The following ZFHX3 variants were observed in gnomAD, a reference collection of about 807,000 sequenced individuals.
The protein encoded by ZFHX3 is zinc finger homeobox 3, also known as zinc finger homeobox protein 3.
In ZFHX3, 42 loss-of-function variants were observed where a neutral mutation model predicts 279.1. The ratio of observed to expected loss-of-function variants is 0.15; its 90% CI spans 0.12 to 0.19. ZFHX3 has a LOEUF of 0.19. Ranked by LOEUF, ZFHX3 falls within the 10% of genes least tolerant of loss-of-function variation. ZFHX3 has a pLI of 1.00. For missense variants in ZFHX3, 4,981 were observed against 4,754.0 expected (o/e 1.05, Z -1.40); for synonymous variants, 2,293 against 1,957.8 (o/e 1.17, Z -4.52).
At chr16:72,848,319 C>T (rs1396406829) in intron 4 of ZFHX3, among the ~76,000 whole-genome samples, 1 of 152,106 alleles carries the variant, frequency 6.6e-6, no homozygotes, top group Non-Finnish European at 1.5e-5. Context: ...AGCCTATTCA[C>T]GAGCCCTATT....
intron 4 of ZFHX3, among the ~76,000 whole-genome samples, chr16:73,264,811 C>T (rs142296267): frequency 1.4e-4 from 21 of 152,174 alleles, no homozygotes; most frequent in African/African-American, 3.9e-4. Context: ...TTAGCTCTCA[C>T]TTATGAATGA....
chr16:73,748,707 C>T (rs556985484), intron 1 of ZFHX3, among the ~76,000 whole-genome samples: 1 of 152,110 alleles, frequency 6.6e-6, no homozygotes, highest in Non-Finnish European at 1.5e-5. Flanking sequence ...ATTGAAGAGC[C>T]CTTGGTCTTA....
chr16:73,593,661 C>T (rs2143847454), intron 2 of ZFHX3, among the ~76,000 whole-genome samples: 1 of 152,014 alleles, frequency 6.6e-6, no homozygotes, highest in Admixed American at 6.6e-5. Flanking sequence ...ATATGCAAAT[C>T]CTATGACATA....
At chr16:73,340,876 G>C (rs1467343600) in intron 3 of ZFHX3, among the ~76,000 whole-genome samples, 4 of 152,060 alleles carry the variant, frequency 2.6e-5, no homozygotes, top group Non-Finnish European at 5.9e-5. Flanking sequence ...TCTAACTTGA[G>C]TCAATATCCA....
intron 3 of ZFHX3, among the ~76,000 whole-genome samples, chr16:72,922,955 G>A (rs961437057): frequency 6.6e-6 from 1 of 152,090 alleles, no homozygotes; most frequent in Non-Finnish European, 1.5e-5. Flanking sequence ...ATATGGTAAA[G>A]CTGCTAGAAG....
chr16:73,135,205 G>T (rs1966767131), intron 6 of ZFHX3, among the ~76,000 whole-genome samples: 2 of 152,132 alleles, frequency 1.3e-5, no homozygotes, highest in East Asian at 3.9e-4. Flanking sequence ...AGAGCTTTCT[G>T]CCCTCTGTGA....
intron 1 of ZFHX3, among the ~76,000 whole-genome samples, chr16:73,700,202 C>A (rs985968152): frequency 6.6e-5 from 10 of 152,090 alleles, no homozygotes; most frequent in South Asian, 2.1e-4. Context: ...ACCTGGGAAA[C>A]AGAGAGAGGG....
chr16:73,782,094 T>G (rs1011680190), intron 1 of ZFHX3, among the ~76,000 whole-genome samples: 1 of 152,224 alleles, frequency 6.6e-6, no homozygotes, highest in Admixed American at 6.5e-5. Flanking sequence ...AGTTCTGATC[T>G]CTACAGAAAG....
chr16:73,342,889 C>T (rs1415574627), intron 3 of ZFHX3, among the ~76,000 whole-genome samples: 1 of 152,206 alleles, frequency 6.6e-6, no homozygotes, highest in African/African-American at 2.4e-5. Flanking sequence ...CACAGTGACA[C>T]TGTGTGGGGG....
chr16:73,151,201 G>A (rs981502303), intron 5 of ZFHX3, among the ~76,000 whole-genome samples: 3 of 152,120 alleles, frequency 2.0e-5, no homozygotes, highest in Non-Finnish European at 2.9e-5. Context: ...TTGCATATCT[G>A]TATTGTATAT....
chr16:73,503,041 C>T (rs1242706445), intron 2 of ZFHX3, among the ~76,000 whole-genome samples: 3 of 152,172 alleles, frequency 2.0e-5, no homozygotes, highest in East Asian at 1.9e-4. Flanking sequence ...TGTGCTCACT[C>T]GGAACTGCAG....
chr16:73,571,404 T>C (rs1329404130), intron 2 of ZFHX3, among the ~76,000 whole-genome samples: 1 of 152,156 alleles, frequency 6.6e-6, no homozygotes, highest in Non-Finnish European at 1.5e-5. Context: ...TGGAGATATA[T>C]GTGTATTTTT....
chr16:73,563,418 G>A (rs1597000542), intron 2 of ZFHX3, among the ~76,000 whole-genome samples: 2 of 151,734 alleles, frequency 1.3e-5, no homozygotes, highest in Non-Finnish European at 2.9e-5. Context: ...CACCATGCCC[G>A]GCTAATTTTT....
intron 4 of ZFHX3, among the ~76,000 whole-genome samples, chr16:73,290,410 A>G (rs1240655777): frequency 1.3e-5 from 2 of 152,170 alleles, no homozygotes; most frequent in Admixed American, 6.5e-5. Context: ...AAGGTGTTCT[A>G]GGAAGAGGGA....
At chr16:73,767,911 T>C (rs935816308) in intron 1 of ZFHX3, among the ~76,000 whole-genome samples, 1 of 152,072 alleles carries the variant, frequency 6.6e-6, no homozygotes, top group Non-Finnish European at 1.5e-5. Flanking sequence ...ATTGCAAAGG[T>C]GAGGCAGAGT....
chr16:73,255,610 A>T (rs1376317653), intron 5 of ZFHX3, among the ~76,000 whole-genome samples: 1 of 152,184 alleles, frequency 6.6e-6, no homozygotes, highest in East Asian at 1.9e-4. Context: ...GAGAAGAGTA[A>T]CAGTCACCCC....
At chr16:73,067,280 C>T (rs1024815200) in intron 8 of ZFHX3, among the ~76,000 whole-genome samples, 2 of 152,194 alleles carry the variant, frequency 1.3e-5, no homozygotes, top group African/African-American at 4.8e-5. Flanking sequence ...TTGCTCATAA[C>T]GACACTTAAG....
At chr16:73,049,355 T>G (rs886659793), upstream of ZFHX3, among the ~76,000 whole-genome samples, 1 of 152,174 alleles carries the variant, frequency 6.6e-6, no homozygotes, top group Non-Finnish European at 1.5e-5. Context: ...ATGCAAGTGT[T>G]AGAAATATAA....
intron 1 of ZFHX3, among the ~76,000 whole-genome samples, chr16:73,753,548 T>A (rs2053779294): frequency 6.6e-6 from 1 of 152,210 alleles, no homozygotes. Context: ...TAAATACAGT[T>A]GCCAACAGCC....
Sources: allele counts gnomAD v4.1 joint callset (sites outside exome capture counted in the v4.1 genomes callset), GRCh38; gene constraint gnomAD v4.1.1; transcripts MANE v1.5; gene names NCBI Gene and HGNC (gene_info 2026-07-23, HGNC 2026-07-21).